The following TPD52L1 variants were observed in gnomAD, a reference collection of about 807,000 sequenced individuals.
The protein encoded by TPD52L1 is tumor protein D53.
Under a neutral mutation model 28.7 loss-of-function variants are expected in TPD52L1, and 18 were observed. That is an observed-to-expected ratio of 0.63 (90% CI 0.43 to 0.93). The LOEUF (loss-of-function observed/expected upper bound fraction) is 0.93. Ranked by LOEUF, TPD52L1 falls within the 40% of genes least tolerant of loss-of-function variation. The pLI, the probability that TPD52L1 is intolerant of heterozygous loss-of-function variation, is 0.00. For synonymous variants in TPD52L1, 75 were observed against 88.8 expected (o/e 0.84, Z 0.88); for missense variants, 203 against 254.8 (o/e 0.80, Z 1.39).
intron 1 of TPD52L1, chr6:125,214,397 T>C (rs529843987): frequency 2.1e-6 from 2 of 957,902 alleles, no homozygotes; most frequent in African/African-American, 3.5e-5. Flanking sequence ...TTAGCTCTCC[T>C]CATTCTCTCC....
chr6:125,175,570 T>C (rs1227817544), intron 1 of TPD52L1, among the ~76,000 whole-genome samples: 1 of 152,022 alleles, frequency 6.6e-6, no homozygotes, highest in Non-Finnish European at 1.5e-5. Flanking sequence ...GGGGAAAATA[T>C]GGGAACTGGG....
intron 6 of TPD52L1, chr6:125,261,862 A>C (rs917271406): frequency 2.0e-5 from 3 of 152,202 alleles, no homozygotes; most frequent in African/African-American, 7.2e-5. Flanking sequence ...CATTGTAAGG[A>C]ATATTCATAC....
intron 4 of TPD52L1, chr6:125,252,028 CTCCA>C: frequency 1.3e-6 from 2 of 1,536,130 alleles, no homozygotes; most frequent in Non-Finnish European, 1.7e-6. Context: ...GCAGGTCTCA[CTCCA>C]TCGGGTAAGC....
At chr6:125,235,418 G>T (rs1043596730) in intron 3 of TPD52L1, among the ~76,000 whole-genome samples, 9 of 152,012 alleles carry the variant, frequency 5.9e-5, no homozygotes, top group Admixed American at 2.6e-4. Flanking sequence ...AGAAAAAAAA[G>T]TTGCAAAAAA....
In TPD52L1 at chr6:125,166,656, G is replaced by C. The variant is rs530446512; in HGVS notation, c.19+12686G>C. Among the ~76,000 whole-genome samples the C allele has an allele frequency of 1.2e-4, 18 of 151,958 alleles. No individual in the cohort carries two copies. In the East Asian group the frequency reaches 3.1e-3, roughly 26 times the overall value. On this transcript the variant is annotated intron_variant, in intron 1 of 6. Transcript: ENST00000534000. ...TTATTTTAAATTTTGCTTGCACAAGGGTGTCATAGAAAGAAATGAATACCC... is the reference window on the plus strand; with the variant it reads ...TTATTTTAAATTTTGCTTGCACAAGCGTGTCATAGAAAGAAATGAATACCC...
At chr6:125,214,393 C>T in intron 1 of TPD52L1, 1 of 937,922 alleles carries the variant, frequency 1.1e-6, no homozygotes, top group Non-Finnish European at 1.3e-6. Context: ...GGGCTTAGCT[C>T]TCCTCATTCT....
chr6:125,237,102 GA>G (rs1342079151), intron 3 of TPD52L1, among the ~76,000 whole-genome samples: 1 of 152,280 alleles, frequency 6.6e-6, no homozygotes, highest in East Asian at 1.9e-4. Flanking sequence ...AGCAGAGTAA[GA>G]AGAAATGAGA....
intron 6 of TPD52L1, among the ~76,000 whole-genome samples, chr6:125,258,959 A>G (rs73772404): frequency 0.014 from 2,185 of 152,322 alleles, 58 homozygotes; most frequent in African/African-American, 0.051. Flanking sequence ...CTTTGTGTCA[A>G]ACCTCCCACT....
chr6:125,169,250 C>T (rs764520953), intron 1 of TPD52L1, among the ~76,000 whole-genome samples: 53 of 151,880 alleles, frequency 3.5e-4, no homozygotes, highest in Non-Finnish European at 1.2e-4. Flanking sequence ...CCGTCCTTGG[C>T]CTGCTTCTTC....
chr6:125,175,059 T>C (rs750909531), intron 1 of TPD52L1, among the ~76,000 whole-genome samples: 10 of 152,200 alleles, frequency 6.6e-5, no homozygotes, highest in Non-Finnish European at 2.9e-5. Context: ...TCACCTTTAC[T>C]CTGCCTTATT....
chr6:125,241,922 T>C (rs1453559890), intron 3 of TPD52L1, among the ~76,000 whole-genome samples: 1 of 151,984 alleles, frequency 6.6e-6, no homozygotes, highest in Non-Finnish European at 1.5e-5. Context: ...TTAGGTTGTC[T>C]ATTTGGGGTC....
chr6:125,182,307 C>A (rs144722242), intron 1 of TPD52L1, among the ~76,000 whole-genome samples: 80 of 152,246 alleles, frequency 5.3e-4, no homozygotes, highest in Non-Finnish European at 8.1e-4. Flanking sequence ...AAGTGCACAG[C>A]GCTGTGTGAC....
At chr6:125,189,760 A>G (rs909065930) in intron 1 of TPD52L1, among the ~76,000 whole-genome samples, 1 of 152,172 alleles carries the variant, frequency 6.6e-6, no homozygotes. Context: ...ACTCTGAAGT[A>G]GTTCCAAATC....
At chr6:125,173,497 G>T (rs986487357) in intron 1 of TPD52L1, among the ~76,000 whole-genome samples, 11 of 152,242 alleles carry the variant, frequency 7.2e-5, no homozygotes, top group Non-Finnish European at 1.5e-4. Context: ...TTCTGATCTT[G>T]GTTTCACCAC....
intron 1 of TPD52L1, among the ~76,000 whole-genome samples, chr6:125,187,063 C>G (rs62432192): frequency 0.11 from 16,029 of 151,856 alleles, 884 homozygotes; most frequent in Middle Eastern, 0.15. Flanking sequence ...ATTGCATATA[C>G]CAGTTAATAG....
At chr6:125,259,372 G>A (rs1797784876) in intron 6 of TPD52L1, among the ~76,000 whole-genome samples, 2 of 152,144 alleles carry the variant, frequency 1.3e-5, no homozygotes, top group Admixed American at 1.3e-4. Flanking sequence ...CCAAATCCAT[G>A]GGTCTTTCTT....
chr6:125,231,611 TG>T lies in TPD52L1; in HGVS notation c.284+2346del, dbSNP rs1795952582. Reference sequence around the variant, plus strand: ...GTTAGGAAGACAGAGTTTGAGTTTTTGTTGTTGTTGTTGTTGTTGTTGTTTG... The same window carrying T: ...GTTAGGAAGACAGAGTTTGAGTTTTTTTGTTGTTGTTGTTGTTGTTGTTTG... On this transcript the variant is annotated intron_variant, in intron 3 of 6. Coordinates refer to ENST00000534000, the MANE Select transcript of TPD52L1 (RefSeq NM_003287.4). 1.6e-4 allele frequency among the ~76,000 whole-genome samples: 6 copies of T among 38,284 alleles called. No individual in the cohort carries two copies. The South Asian group carries it at 5.8e-3, about 37-fold the overall frequency. The allele number at this position is 38,284 out of a possible 152,430, so 25.1% of individuals were successfully genotyped here.
intron 1 of TPD52L1, among the ~76,000 whole-genome samples, chr6:125,155,019 G>A (rs1790026502): frequency 6.6e-6 from 1 of 152,210 alleles, no homozygotes; most frequent in Non-Finnish European, 1.5e-5. Context: ...GCGATTGCGT[G>A]GGCCTGGAGT....
chr6:125,237,028 G>C (rs1013717502), intron 3 of TPD52L1, among the ~76,000 whole-genome samples: 4 of 152,212 alleles, frequency 2.6e-5, no homozygotes, highest in Non-Finnish European at 4.4e-5. Flanking sequence ...AGCTAGAGCA[G>C]AGACCCTAAG....
Sources: gnomAD v4.1 joint callset for allele counts (sites outside exome capture counted in the v4.1 genomes callset) on GRCh38, gnomAD v4.1.1 for gene constraint, MANE v1.5 for transcripts, NCBI Gene and HGNC (gene_info 2026-07-23, HGNC 2026-07-21) for gene names.